TMEM150C: variants seen among roughly 807,000 people sequenced by gnomAD.
The protein encoded by TMEM150C is tentonin 3.
A neutral mutation model predicts 29.9 loss-of-function variants in TMEM150C; 10 were observed. The ratio of observed to expected loss-of-function variants is 0.33; its 90% CI spans 0.21 to 0.57. The LOEUF is 0.57. Ranked by LOEUF, TMEM150C falls within the 20% of genes least tolerant of loss-of-function variation. The probability of loss-of-function intolerance (pLI) is 0.88; values close to 1 mark genes in which losing one functional copy is unlikely to be tolerated. For missense variants in TMEM150C, 251 were observed against 303.6 expected, an observed-to-expected ratio of 0.83 and a Z score of 1.29; for synonymous variants, 101 against 112.5, an observed-to-expected ratio of 0.90 and a Z score of 0.64.
At chr4:82,548,222 T>C (rs1725449433) in intron 1 of TMEM150C, among the ~76,000 whole-genome samples, 1 of 152,148 alleles carries the variant, frequency 6.6e-6, no homozygotes. Context: ...AAACTAACTA[T>C]TGGGTACTAT....
At chr4:82,512,476 A>G (rs1223545433) in intron 1 of TMEM150C, among the ~76,000 whole-genome samples, 3 of 152,214 alleles carry the variant, frequency 2.0e-5, no homozygotes, top group East Asian at 1.9e-4. Flanking sequence ...ATAATTCGGT[A>G]AGCGGCTGCT....
At chr4:82,547,285 GA>G (rs769811228) in intron 1 of TMEM150C, among the ~76,000 whole-genome samples, 6,581 of 142,732 alleles carry the variant, frequency 0.046, 424 homozygotes, top group African/African-American at 0.15. Flanking sequence ...CAACAAACAT[GA>G]AAAAAAAAAA....
chr4:82,499,876 T>C (rs369648183), intron 5 of TMEM150C, among the ~76,000 whole-genome samples: 14 of 152,278 alleles, frequency 9.2e-5, no homozygotes, highest in Admixed American at 3.9e-4. Flanking sequence ...AAATTTTTGT[T>C]TTGTTTTGTT....
chr4:82,494,262 G>C (rs1723465814), intron 6 of TMEM150C, among the ~76,000 whole-genome samples: 1 of 152,168 alleles, frequency 6.6e-6, no homozygotes, highest in Non-Finnish European at 1.5e-5. Flanking sequence ...CACTGTCATA[G>C]TACAGAGGTT....
chr4:82,495,764 C>A, intron 6 of TMEM150C: 1 of 382,724 alleles, frequency 2.6e-6, no homozygotes, highest in South Asian at 2.8e-5. Context: ...CCCTTCCATT[C>A]TTCACCCAGA....
chr4:82,492,462 A>T (rs1317104980), intron 6 of TMEM150C, among the ~76,000 whole-genome samples: 5 of 151,824 alleles, frequency 3.3e-5, no homozygotes, highest in African/African-American at 1.2e-4. Context: ...TTTTAGTTTT[A>T]TTTTCCCATA....
chr4:82,498,246 C>G (rs565951409), intron 5 of TMEM150C, among the ~76,000 whole-genome samples: 21 of 151,900 alleles, frequency 1.4e-4, no homozygotes, highest in African/African-American at 5.1e-4. Flanking sequence ...AACTCCTGAC[C>G]TCAGGTGATC....
At chr4:82,541,813 A>C (rs1725210580) in intron 1 of TMEM150C, among the ~76,000 whole-genome samples, 1 of 152,212 alleles carries the variant, frequency 6.6e-6, no homozygotes, top group Non-Finnish European at 1.5e-5. Flanking sequence ...ATGTATTCTA[A>C]AAAGTCAAGA....
intron 1 of TMEM150C, among the ~76,000 whole-genome samples, chr4:82,520,241 C>T (rs1411500717): frequency 6.6e-6 from 1 of 152,230 alleles, no homozygotes; most frequent in Non-Finnish European, 1.5e-5. Context: ...AATATACATC[C>T]TCCCAGGTTC....
chr4:82,557,652 G>T (rs1560502685), intron 1 of TMEM150C, among the ~76,000 whole-genome samples: 1 of 151,988 alleles, frequency 6.6e-6, no homozygotes, highest in East Asian at 1.9e-4. Flanking sequence ...ATTAAAAAGA[G>T]AAACAGTTTT....
chr4:82,547,006 G>T (rs1725406519), intron 1 of TMEM150C, among the ~76,000 whole-genome samples: 1 of 152,146 alleles, frequency 6.6e-6, no homozygotes, highest in African/African-American at 2.4e-5. Flanking sequence ...TTATGACTTA[G>T]TTCTCAAAAG....
At chr4:82,559,955 C>T (rs10024182) in intron 1 of TMEM150C, among the ~76,000 whole-genome samples, 2 of 151,894 alleles carry the variant, frequency 1.3e-5, no homozygotes, top group Non-Finnish European at 2.9e-5. Context: ...GGGTCACAGG[C>T]GAGACAAAGC....
At chr4:82,486,033 A>G (rs1293737882) in intron 7 of TMEM150C, among the ~76,000 whole-genome samples, 1 of 152,122 alleles carries the variant, frequency 6.6e-6, no homozygotes, top group Admixed American at 6.5e-5. Context: ...TCTTATCCAA[A>G]TAATTGTCAG....
intron 1 of TMEM150C, among the ~76,000 whole-genome samples, chr4:82,538,924 G>A (rs1725108031): frequency 6.6e-6 from 1 of 152,050 alleles, no homozygotes; most frequent in African/African-American, 2.4e-5. Context: ...AAATTAGCCA[G>A]GTGTGGTGTC....
At position 82,502,933 on chromosome 4, in the gene TMEM150C, TAA is replaced by T; in HGVS notation, c.135-8_135-7del. The T allele has an allele frequency of 6.3e-7, 1 of 1,583,698 alleles. No homozygotes were observed. Among genetic ancestry groups the T allele is most frequent in the African/African-American group, 1.4e-5 (1 of 73,406 alleles). On this transcript the variant is annotated splice_region_variant and splice_polypyrimidine_tract_variant and intron_variant, in intron 3 of 7. Transcript: ENST00000449862. ...CATGCTTCACACCAGGTTTCCTGGA[TAA>T]TAAAAAAAAAAAACACAGAAGCTCA...
At chr4:82,560,041 A>C (rs190391672) in intron 1 of TMEM150C, among the ~76,000 whole-genome samples, 1 of 152,050 alleles carries the variant, frequency 6.6e-6, no homozygotes, top group Non-Finnish European at 1.5e-5. Context: ...GAGCCCAAAA[A>C]CCCCTGCAAG....
At chr4:82,535,099 G>A (rs1724964165) in intron 1 of TMEM150C, among the ~76,000 whole-genome samples, 1 of 152,210 alleles carries the variant, frequency 6.6e-6, no homozygotes, top group South Asian at 2.1e-4. Flanking sequence ...TTGTTTGGAT[G>A]AATCTGATGC....
rs114839327 is a variant in TMEM150C, at chr4:82,514,437, C to T, written c.-10-9770G>A. On this transcript the variant is annotated intron_variant, in intron 1 of 7. Transcript: ENST00000449862. ...AAGACCATCAGGAACCATGTTGGAA[C>T]GTAATGGAAATAATTCATACGTTAC... Among the ~76,000 whole-genome samples the T allele has an allele frequency of 2.0e-3, 300 of 152,322 alleles. 1 individual carries two copies. Among genetic ancestry groups the T allele is most frequent in the African/African-American group, 6.7e-3 (279 of 41,566 alleles).
intron 7 of TMEM150C, 21 bp from the exon 8 acceptor site, chr4:82,485,740 A>G (rs1242075488): frequency 1.3e-6 from 2 of 1,584,168 alleles, no homozygotes; most frequent in South Asian, 1.2e-5. Flanking sequence ...GCAGTCAAGG[A>G]AAATACCCTC....
Sources: gnomAD v4.1 joint callset for allele counts (sites outside exome capture counted in the v4.1 genomes callset) on GRCh38, gnomAD v4.1.1 for gene constraint, MANE v1.5 for transcripts, NCBI Gene and HGNC (gene_info 2026-07-23, HGNC 2026-07-21) for gene names.